The following CBFA2T3 variants were observed in gnomAD, a reference collection of about 807,000 sequenced individuals.
CBFA2T3 encodes the protein CBFA2/RUNX1 partner transcriptional co-repressor 3.
A neutral mutation model predicts 58.6 loss-of-function variants in CBFA2T3; 31 were observed. That is an observed-to-expected ratio of 0.53 (90% CI 0.40 to 0.71). The LOEUF is 0.71. Ranked by LOEUF, CBFA2T3 falls within the 30% of genes least tolerant of loss-of-function variation. The pLI, the probability that CBFA2T3 is intolerant of heterozygous loss-of-function variation, is 0.00. For missense variants in CBFA2T3, 1,076 were observed against 963.1 expected, an observed-to-expected ratio of 1.12 and a Z score of -1.55; for synonymous variants, 531 against 421.9, an observed-to-expected ratio of 1.26 and a Z score of -3.17.
chr16:88,895,629 T>C (rs1392458255), intron 3 of CBFA2T3, among the ~76,000 whole-genome samples: 1 of 151,878 alleles, frequency 6.6e-6, no homozygotes, highest in Non-Finnish European at 1.5e-5. Context: ...GGGGAACAGG[T>C]GTGCCCACGA....
At chr16:88,961,907 C>A (rs1181454560) in intron 1 of CBFA2T3, among the ~76,000 whole-genome samples, 41 of 117,514 alleles carry the variant, frequency 3.5e-4, no homozygotes, top group Admixed American at 3.6e-4. Flanking sequence ...AGTAACCGAC[C>A]CTCAGTGCTG....
intron 3 of CBFA2T3, among the ~76,000 whole-genome samples, chr16:88,893,464 G>A (rs1969734537): frequency 6.6e-6 from 1 of 152,208 alleles, no homozygotes; most frequent in Non-Finnish European, 1.5e-5. Context: ...TCCCAGCCAT[G>A]AGCAATGCCT....
At chr16:88,940,718 C>T (rs955898284) in intron 1 of CBFA2T3, among the ~76,000 whole-genome samples, 1 of 152,186 alleles carries the variant, frequency 6.6e-6, no homozygotes, top group African/African-American at 2.4e-5. Context: ...GTCACGCGGG[C>T]CGCGGGGCCT....
chr16:88,917,109 G>A lies in CBFA2T3; in HGVS notation c.152-15453C>T, dbSNP rs537832541. 6.4e-4 allele frequency among the ~76,000 whole-genome samples: 97 copies of A among 152,038 alleles called. 3 individuals are homozygous for A. In the South Asian group the frequency reaches 6.9e-3, roughly 11 times the overall value. On this transcript the variant is annotated intron_variant, in intron 1 of 11. Coordinates refer to ENST00000268679, the MANE Select transcript of CBFA2T3 (RefSeq NM_005187.6). ...AAGGAAAAAAAGAAAAAAGAAAAAGGAAAAAAGAGAAGAACTGGTGGAATC... is the reference window on the plus strand; with the variant it reads ...AAGGAAAAAAAGAAAAAAGAAAAAGAAAAAAAGAGAAGAACTGGTGGAATC...
intron 1 of CBFA2T3, among the ~76,000 whole-genome samples, chr16:88,970,487 G>GTGTGAGCTCGGC: frequency 6.6e-6 from 1 of 152,244 alleles, no homozygotes; most frequent in South Asian, 2.1e-4. Context: ...CAGCCCCGCT[G>GTGTGAGCTCGGC]TGTGAGCTCG....
chr16:88,883,257 G>A (rs1270749570), intron 7 of CBFA2T3: 1 of 172,532 alleles, frequency 5.8e-6, no homozygotes, highest in Non-Finnish European at 1.2e-5. Flanking sequence ...TCACTGGGAG[G>A]AGCTGGTCTC....
In CBFA2T3 at chr16:88,976,959, G is replaced by A. The variant is rs1972879672; in HGVS notation, c.-152C>T. 9 of 901,324 alleles carry A rather than the reference G, an allele frequency of 1.0e-5. No individual in the cohort carries two copies. Among genetic ancestry groups the A allele is most frequent in the Non-Finnish European group, 1.5e-5 (9 of 614,186 alleles). 55.8% of individuals were successfully genotyped at this position (901,324 alleles called of 1,614,324 possible). ...GGGCCTCTGTCCCTGGAAAGCCGAG[G>A]CCCTCCCGGCCACCAACTGGGTGTC... is the stretch of plus-strand genomic sequence containing the variant. On this transcript the variant is annotated 5_prime_UTR_variant, in exon 1 of 12. Coordinates refer to ENST00000268679, the MANE Select transcript of CBFA2T3 (RefSeq NM_005187.6).
chr16:88,926,271 G>C (rs1413879843), intron 1 of CBFA2T3, among the ~76,000 whole-genome samples: 2 of 152,210 alleles, frequency 1.3e-5, no homozygotes, highest in Non-Finnish European at 2.9e-5. Flanking sequence ...TCCGTGCAGG[G>C]AGTTCCAGCA....
In CBFA2T3 at chr16:88,885,074, C is replaced by A. The variant is rs1469418344; in HGVS notation, c.1089G>T (p.Arg363=). ...FRDAYRHPDP[R]ELRERHRPLV... ...GCGGCCGATGGCGCTCTCGTAGCTC[C>A]CGGGGGTCTGGGTGGCGGTAGGCAT... Residue 363 remains arginine (R), a synonymous_variant, in exon 7 of 12, where the codon CGG becomes CGT. Transcript: ENST00000268679. The surrounding 1 kb of genome is among the most constrained non-coding windows in gnomAD (Gnocchi z 5.3). 6.2e-7 allele frequency: 1 copy of A among 1,601,522 alleles called. No individual in the cohort carries two copies. The highest frequency in any genetic ancestry group is 2.2e-5 in the East Asian group (1 of 44,716).
intron 1 of CBFA2T3, among the ~76,000 whole-genome samples, chr16:88,926,031 G>A (rs1390412461): frequency 1.3e-5 from 2 of 152,240 alleles, no homozygotes; most frequent in South Asian, 2.1e-4. Flanking sequence ...GGTCAGCTCC[G>A]TGAGACGGGG....
chr16:88,946,818 C>G (rs563002001), intron 1 of CBFA2T3, among the ~76,000 whole-genome samples: 9 of 151,572 alleles, frequency 5.9e-5, no homozygotes, highest in African/African-American at 2.2e-4. Flanking sequence ...CAGGGTCTCA[C>G]TCTGTCTCCC....
intron 1 of CBFA2T3, among the ~76,000 whole-genome samples, chr16:88,944,195 G>A (rs1359007354): frequency 1.3e-5 from 2 of 151,924 alleles, no homozygotes; most frequent in African/African-American, 2.4e-5. Context: ...AAATTAGCCG[G>A]GCGTGGTTGC....
chr16:88,919,258 T>G (rs529736054), intron 1 of CBFA2T3, among the ~76,000 whole-genome samples: 34 of 152,200 alleles, frequency 2.2e-4, no homozygotes, highest in Non-Finnish European at 2.2e-4. Flanking sequence ...TTCCAGCCAA[T>G]GGAAACCGGA....
chr16:88,912,162 A>C (rs946944393), intron 1 of CBFA2T3, among the ~76,000 whole-genome samples: 6 of 152,214 alleles, frequency 3.9e-5, no homozygotes, highest in African/African-American at 1.4e-4. Flanking sequence ...TCCCCAACCC[A>C]CTACGTGGCT....
chr16:88,901,508 G>A lies in CBFA2T3; in HGVS notation c.300C>T (p.His100=). Residue 100 remains histidine, a synonymous_variant, in exon 2 of 12, where the codon CAC becomes CAT. Transcript: ENST00000268679. ...TGCCAGGTGGGGGCTACTTACGTGT[G>A]TGTGGCGTGAAGGAGGGGGGGCGTG... ...GATRPPSFTP[H]THREDGPATL... The A allele has an allele frequency of 1.4e-6, 2 of 1,471,814 alleles. No individual in the cohort carries two copies. Among genetic ancestry groups the A allele is most frequent in the Non-Finnish European group, 1.8e-6 (2 of 1,114,456 alleles). The allele number at this position is 1,471,814 out of a possible 1,614,324, so 91.2% of individuals were successfully genotyped here. A position where few individuals can be genotyped will look rare whatever the true frequency, so the allele number is the denominator to read the frequency against.
intron 1 of CBFA2T3, among the ~76,000 whole-genome samples, chr16:88,912,539 G>C (rs1970563304): frequency 6.6e-6 from 1 of 152,186 alleles, no homozygotes; most frequent in African/African-American, 2.4e-5. Context: ...GACCGCCCAT[G>C]TCCCTGCCCC....
At chr16:88,959,568 A>G (rs1463080979) in intron 1 of CBFA2T3, among the ~76,000 whole-genome samples, 2 of 152,186 alleles carry the variant, frequency 1.3e-5, no homozygotes, top group South Asian at 2.1e-4. Flanking sequence ...AGAATGTTCT[A>G]GAAATAAATG....
At chr16:88,971,816 G>A (rs1483737650) in intron 1 of CBFA2T3, among the ~76,000 whole-genome samples, 1 of 152,074 alleles carries the variant, frequency 6.6e-6, no homozygotes, top group Non-Finnish European at 1.5e-5. Flanking sequence ...GTGACCAATC[G>A]GCCTCTCCCT....
chr16:88,911,794 G>A (rs1970540310), intron 1 of CBFA2T3, among the ~76,000 whole-genome samples: 1 of 152,270 alleles, frequency 6.6e-6, no homozygotes, highest in Admixed American at 6.5e-5. Flanking sequence ...TTGGCACTGT[G>A]CCCAGAGCTG....
Sources: allele counts gnomAD v4.1 joint callset (sites outside exome capture counted in the v4.1 genomes callset), GRCh38; gene constraint gnomAD v4.1.1; non-coding constraint Gnocchi (gnomAD v3.1); transcripts MANE v1.5; gene names NCBI Gene and HGNC (gene_info 2026-07-23, HGNC 2026-07-21).